The following UNC80 variants were observed in gnomAD, a reference collection of about 807,000 sequenced individuals.
UNC80 encodes the protein unc-80 subunit of NALCN channel complex.
Under a neutral mutation model 384.6 loss-of-function variants are expected in UNC80, and 164 were observed. The ratio of observed to expected loss-of-function variants is 0.43; its 90% CI spans 0.38 to 0.49. The LOEUF is 0.49. UNC80 is among the 20% of genes least tolerant of loss of function. The pLI is 0.00. For synonymous variants in UNC80, 1,486 were observed against 1,527.8 expected, an observed-to-expected ratio of 0.97 and a Z score of 0.64; for missense variants, 3,330 against 4,143.0, an observed-to-expected ratio of 0.80 and a Z score of 5.39.
intron 63 of UNC80, among the ~76,000 whole-genome samples, 187 bp from the exon 64 acceptor site, chr2:209,993,878 T>C (rs2093437026): frequency 6.6e-6 from 1 of 152,226 alleles, no homozygotes; most frequent in Admixed American, 6.5e-5. Context: ...ACGTAAGTCT[T>C]ACTCTTTGTA....
chr2:209,834,563 A>G (rs1056654056), intron 17 of UNC80, among the ~76,000 whole-genome samples: 3 of 152,234 alleles, frequency 2.0e-5, no homozygotes, highest in Non-Finnish European at 4.4e-5. Flanking sequence ...GGTAAAAGAC[A>G]AATGATTAAG....
At chr2:209,874,284 T>A (rs1269418543) in intron 23 of UNC80, among the ~76,000 whole-genome samples, 2 of 152,182 alleles carry the variant, frequency 1.3e-5, no homozygotes, top group African/African-American at 2.4e-5. Flanking sequence ...CTCTTTAATG[T>A]GGAGAGATGT....
At chr2:209,944,695 G>T (rs537968949) in intron 45 of UNC80, among the ~76,000 whole-genome samples, 4 of 152,154 alleles carry the variant, frequency 2.6e-5, no homozygotes, top group African/African-American at 7.2e-5. Flanking sequence ...CATACATTCC[G>T]CAAACATATT....
At chr2:209,979,556 G>T (rs1357081042) in intron 59 of UNC80, among the ~76,000 whole-genome samples, 1 of 152,178 alleles carries the variant, frequency 6.6e-6, no homozygotes, top group Non-Finnish European at 1.5e-5. Flanking sequence ...CCAGTGACTA[G>T]GTCAGCCCAG....
chr2:209,976,862 A>G lies in UNC80; in HGVS notation c.8773-51A>G. 1 of 1,467,228 alleles carries G rather than the reference A, an allele frequency of 6.8e-7. No individual in the cohort carries two copies. 90.9% of individuals were successfully genotyped at this position (1,467,228 alleles called of 1,614,324 possible). ...ATGAAATAGGTACAGCAATTAGCCC[A>G]TTTTATGGATGGAAAATTGAGGCCC... On this transcript the variant is annotated intron_variant, in intron 57 of 64. Transcript: ENST00000673920. The surrounding 1 kb of genome is among the most constrained non-coding windows in gnomAD (Gnocchi z 4.3).
In UNC80 at chr2:209,926,894, C is replaced by T. The variant is rs1371473896; in HGVS notation, c.5714C>T (p.Pro1905Leu). Residue 1905 changes from proline (P) to leucine (L), a missense_variant, in exon 36 of 65, where the codon CCA becomes CTA. Physicochemically the swap from Pro to Leu is moderately conservative, Grantham distance 98. This residue lies in a region of UNC80 where 1,049 missense variants were observed against 1,488.6 expected (regional missense o/e 0.70). Transcript: ENST00000673920. ...HTPNHHVPQP[P>L]QAVFPACICA... ...CCGAACCACCATGTGCCTCAGCCCC[C>T]ACAAGCAGTGTTCCCAGCATGCATC... 1.9e-6 allele frequency: 3 copies of T among 1,552,260 alleles called. No individual in the cohort carries two copies. The highest frequency in any genetic ancestry group is 2.0e-5 in the Admixed American group (1 of 51,012).
rs974344346 is a variant in UNC80 at position 209,912,732 on chromosome 2, A to G, written c.4890+65A>G. ...ACAGGGAGGGGACTCCAGACAGCCT[A>G]TTTACTAATGTTTGGGACATACAAC... On this transcript the variant is annotated intron_variant, in intron 30 of 64. Coordinates refer to ENST00000673920, the MANE Select transcript of UNC80 (RefSeq NM_001371986.1). The G allele has an allele frequency of 3.5e-6, 4 of 1,134,310 alleles. No individual in the cohort carries two copies. In the Admixed American group the frequency reaches 6.4e-5, roughly 18 times the overall value. The allele number at this position is 1,134,310 out of a possible 1,614,324, so 70.3% of individuals were successfully genotyped here. A position where few individuals can be genotyped will look rare whatever the true frequency, so the allele number is the denominator to read the frequency against.
At chr2:209,831,804 A>G (rs887273266) in intron 16 of UNC80, among the ~76,000 whole-genome samples, 1 of 152,202 alleles carries the variant, frequency 6.6e-6, no homozygotes, top group African/African-American at 2.4e-5. Flanking sequence ...TTGCAAATTC[A>G]GCTATCTTCC....
At position 209,959,638 on chromosome 2, in the gene UNC80, T is replaced by G; in HGVS notation, c.7736T>G (p.Ile2579Ser). ...FYKHCGPRLK[I>S]LQNLAGEPRV... ...AAGCACTGTGGGCCACGGCTGAAGA[T>G]CTTGCAAAATCTGGCTGGGGAGCCT... The change falls in exon 51 of 65, where the codon ATC becomes AGC. Residue 2579 changes from isoleucine to serine, a missense_variant. Physicochemically the swap from Ile to Ser is moderately radical, Grantham distance 142 (BLOSUM62 -2). This residue lies in a region of UNC80 where 1,049 missense variants were observed against 1,488.6 expected (regional missense o/e 0.70). Transcript: ENST00000673920. 1 of 1,551,708 alleles carries G rather than the reference T, an allele frequency of 6.4e-7. No homozygotes were observed. Among genetic ancestry groups the G allele is most frequent in the Non-Finnish European group, 8.7e-7 (1 of 1,146,980 alleles).
In UNC80 at chr2:209,896,412, A is replaced by G. The variant is rs778538035; in HGVS notation, c.4580A>G (p.His1527Arg). 4 of 1,551,124 alleles carry G rather than the reference A, an allele frequency of 2.6e-6. No individual in the cohort carries two copies. Among genetic ancestry groups the G allele is most frequent in the African/African-American group, 1.4e-5 (1 of 73,024 alleles). Reference protein sequence around the residue: ...ENYHRNMSWLHVMILLCNQQS... With the variant: ...ENYHRNMSWLRVMILLCNQQS... ...TACCACAGAAACATGTCGTGGCTTC[A>G]TGTAAGTAGGAATCTCAGAAACAGC... is the stretch of plus-strand genomic sequence containing the variant. Residue 1527 changes from histidine to arginine, a missense_variant and splice_region_variant, in exon 28 of 65, where the codon CAT (histidine) becomes CGT (arginine). His to Arg is a conservative substitution (Grantham distance 29). Coordinates refer to ENST00000673920, the MANE Select transcript of UNC80 (RefSeq NM_001371986.1).
At chr2:209,956,502 C>T (rs987494637) in intron 48 of UNC80, among the ~76,000 whole-genome samples, 2 of 152,188 alleles carry the variant, frequency 1.3e-5, no homozygotes, top group Non-Finnish European at 2.9e-5. Flanking sequence ...GAGAAGGCAC[C>T]TGCATTTCTT....
intron 3 of UNC80, among the ~76,000 whole-genome samples, 174 bp downstream of exon 3, chr2:209,776,219 TAAAG>T (rs1442683523): frequency 2.0e-5 from 3 of 152,250 alleles, no homozygotes; most frequent in African/African-American, 7.2e-5. Flanking sequence ...ATTTTACCGA[TAAAG>T]AAACTGGCTG....
intron 28 of UNC80, among the ~76,000 whole-genome samples, chr2:209,903,893 C>G (rs1317329563): frequency 6.6e-6 from 1 of 151,524 alleles, no homozygotes; most frequent in Non-Finnish European, 1.5e-5. Context: ...TCTTTGTGTT[C>G]AATATGGAAC....
Position 209,934,002 on chromosome 2 carries a change from C to A in UNC80, c.6175C>A (p.Pro2059Thr). 6.5e-7 allele frequency: 1 copy of A among 1,535,342 alleles called. No homozygotes were observed. The highest frequency in any genetic ancestry group is 8.8e-7 in the Non-Finnish European group (1 of 1,139,400). The change falls in exon 39 of 65, where the codon CCA becomes ACA. Residue 2059 changes from proline to threonine, a missense_variant. Pro to Thr is a conservative substitution (Grantham distance 38). Coordinates refer to ENST00000673920, the MANE Select transcript of UNC80 (RefSeq NM_001371986.1). ...EVKLLVTASM[P>T]GTKTLVVHGQ... Reference sequence around the variant, plus strand: ...GAAGCTCCTGGTGACCGCTTCAATGCCAGGTAAGCCACTACTACTTTTTAG... The same window carrying A: ...GAAGCTCCTGGTGACCGCTTCAATGACAGGTAAGCCACTACTACTTTTTAG...
At chr2:209,923,055 A>T (rs184843279) in intron 35 of UNC80, among the ~76,000 whole-genome samples, 1 of 152,310 alleles carries the variant, frequency 6.6e-6, no homozygotes, top group East Asian at 1.9e-4. Flanking sequence ...CACTTATCAG[A>T]TATATGATTT....
intron 14 of UNC80, 48 bp downstream of exon 14, chr2:209,826,101 T>G (rs754097640): frequency 6.6e-7 from 1 of 1,512,980 alleles, no homozygotes; most frequent in Admixed American, 2.2e-5. Flanking sequence ...TTCCTTCCCT[T>G]CTGTTTAAGA....
Position 209,936,917 on chromosome 2 carries a change from T to G in UNC80, c.6347T>G (p.Leu2116Arg). The change falls in exon 41 of 65, where the codon CTT becomes CGT. Residue 2116 changes from leucine to arginine, a missense_variant. Physicochemically the swap from Leu to Arg is moderately radical, Grantham distance 102. Coordinates refer to ENST00000673920, the MANE Select transcript of UNC80 (RefSeq NM_001371986.1). ...HYFLMDKRWNLIHYNKTYVRD... is the reference protein window; with the variant it reads ...HYFLMDKRWNRIHYNKTYVRD... ...TTTCTTATGGATAAACGATGGAACC[T>G]TATCCACTACAATAAGGTGAGACAC... The G allele has an allele frequency of 1.3e-6, 2 of 1,549,760 alleles. No homozygotes were observed. The highest frequency in any genetic ancestry group is 1.7e-6 in the Non-Finnish European group (2 of 1,145,274).
At position 209,977,055 on chromosome 2, in the gene UNC80, A is replaced by G; in HGVS notation, c.8915A>G (p.Lys2972Arg). ...TTCAACAGTGAACTAAAAATTCTAAAAGAGGCAGTTCATAGTGGATCAGGT... is the reference window on the plus strand; with the variant it reads ...TTCAACAGTGAACTAAAAATTCTAAGAGAGGCAGTTCATAGTGGATCAGGT... Reference protein sequence around the residue: ...AEFNSELKILKEAVHSGSAYQ... With the variant: ...AEFNSELKILREAVHSGSAYQ... Residue 2972 changes from lysine (K) to arginine (R), a missense_variant, in exon 58 of 65, where the codon AAA (lysine) becomes AGA (arginine). Transcript: ENST00000673920. 6.6e-7 allele frequency: 1 copy of G among 1,520,812 alleles called. No individual in the cohort carries two copies. The highest frequency in any genetic ancestry group is 8.9e-7 in the Non-Finnish European group (1 of 1,121,626). 94.2% of individuals were successfully genotyped at this position (1,520,812 alleles called of 1,614,324 possible).
At position 209,904,779 on chromosome 2, in the gene UNC80, G is replaced by C. The variant is rs1464477605; in HGVS notation, c.4596G>C (p.Leu1532=). Residue 1532 remains leucine, a synonymous_variant, in exon 29 of 65, where the codon CTG becomes CTC. Transcript: ENST00000673920. The part of the protein sequence containing the change: ...NMSWLHVMIL[L]CNQQSFICTH... ...TTGTATTCCAGGTGATGATCTTGCT[G>C]TGCAATCAGCAGAGTTTCATCTGCA... 9 of 1,551,974 alleles carry C rather than the reference G, an allele frequency of 5.8e-6. No individual in the cohort carries two copies. The highest frequency in any genetic ancestry group is 7.0e-6 in the Non-Finnish European group (8 of 1,147,052).
Sources: gnomAD v4.1 joint callset for allele counts (sites outside exome capture counted in the v4.1 genomes callset) on GRCh38, gnomAD v4.1.1 for gene constraint, gnomAD v4.1.1 regional missense constraint, Gnocchi (gnomAD v3.1) non-coding constraint, MANE v1.5 for transcripts, NCBI Gene and HGNC (gene_info 2026-07-23, HGNC 2026-07-21) for gene names.